GOLT1B: variants seen among roughly 807,000 people sequenced by gnomAD.
The protein encoded by GOLT1B is golgi transport 1B.
In GOLT1B, 3 loss-of-function variants were observed where a neutral mutation model predicts 15.4. The observed-to-expected ratio is 0.19, with a 90% CI of 0.09 to 0.50. The LOEUF (loss-of-function observed/expected upper bound fraction) is 0.50. Ranked by LOEUF, GOLT1B falls within the 20% of genes least tolerant of loss-of-function variation. The probability of loss-of-function intolerance (pLI) is 0.97; values close to 1 mark genes in which losing one functional copy is unlikely to be tolerated. For synonymous variants in GOLT1B, 65 were observed against 56.2 expected (o/e 1.16, Z -0.70); for missense variants, 145 against 160.4 (o/e 0.90, Z 0.52).
intron 2 of GOLT1B, chr12:21,507,181 A>T: frequency 1.7e-6 from 1 of 577,730 alleles, no homozygotes; most frequent in South Asian, 1.8e-5. Context: ...TTCTAATTCC[A>T]TAACTACTCT....
At chr12:21,507,539 T>C (rs976531958) in intron 2 of GOLT1B, among the ~76,000 whole-genome samples, 27 of 151,770 alleles carry the variant, frequency 1.8e-4, no homozygotes, top group African/African-American at 3.9e-4. Context: ...TATATATATA[T>C]ATACACACAC....
intron 4 of GOLT1B, among the ~76,000 whole-genome samples, chr12:21,512,922 G>C (rs1395426752): frequency 1.3e-5 from 2 of 151,974 alleles, no homozygotes; most frequent in African/African-American, 2.4e-5. Flanking sequence ...ACAAAAATTA[G>C]CTGGGTGTGA....
chr12:21,506,842 CTT>C (rs776823081), intron 1 of GOLT1B, 41 bp from the exon 2 acceptor site: 19 of 837,680 alleles, frequency 2.3e-5, no homozygotes, highest in Non-Finnish European at 5.9e-6. Flanking sequence ...GTTAATGTGA[CTT>C]TAATTTTTCT....
intron 3 of GOLT1B, among the ~76,000 whole-genome samples, chr12:21,510,109 C>T (rs1565582205): frequency 6.6e-6 from 1 of 151,984 alleles, no homozygotes; most frequent in Non-Finnish European, 1.5e-5. Flanking sequence ...AAACTGAAGT[C>T]AGGGGAGCCA....
Position 21,506,916 on chromosome 12 carries a change from GT to G in GOLT1B, c.62del (p.Phe21SerfsTer6). 6.6e-7 allele frequency: 1 copy of G among 1,507,622 alleles called. No individual in the cohort carries two copies. The highest frequency in any genetic ancestry group is 9.2e-7 in the Non-Finnish European group (1 of 1,085,544). The allele number at this position is 1,507,622 out of a possible 1,614,324, so 93.4% of individuals were successfully genotyped here. The part of the protein sequence containing the change: ...IGMGLTGFGV[F>X]FLFFGMILFF... ...GAATGGGATTAACAGGATTTGGAGT[GT>G]TTTTCCTGTTCTTTGGAATGATTCT... On this transcript the variant is annotated frameshift_variant, in exon 2 of 5. Transcript: ENST00000229314. LOFTEE classifies it high-confidence loss of function.
At chr12:21,508,832 G>A (rs1193446175) in intron 3 of GOLT1B, among the ~76,000 whole-genome samples, 1 of 151,992 alleles carries the variant, frequency 6.6e-6, no homozygotes, top group Non-Finnish European at 1.5e-5. Flanking sequence ...TTGGATATTT[G>A]TATCAACTAA....
At chr12:21,508,321 G>T in intron 2 of GOLT1B, 62 bp from the exon 3 acceptor site, 1 of 998,506 alleles carries the variant, frequency 1.0e-6, no homozygotes, top group Non-Finnish European at 1.5e-6. Flanking sequence ...TTGACTTTAC[G>T]TTTAAAATTT....
intron 3 of GOLT1B, among the ~76,000 whole-genome samples, chr12:21,510,470 G>A (rs763694068): frequency 2.7e-4 from 41 of 152,154 alleles, no homozygotes; most frequent in Admixed American, 9.2e-4. Flanking sequence ...GACAAGCTTG[G>A]AGTAATACAC....
At position 21,516,013 on chromosome 12, in the gene GOLT1B, C is replaced by G; in HGVS notation, c.*306C>G. 3.9e-6 allele frequency: 1 copy of G among 254,686 alleles called. No homozygotes were observed. Among genetic ancestry groups the G allele is most frequent in the Non-Finnish European group, 7.3e-6 (1 of 136,312 alleles). 15.8% of individuals were successfully genotyped at this position (254,686 alleles called of 1,614,324 possible). A position where few individuals can be genotyped will look rare whatever the true frequency, so the allele number is the denominator to read the frequency against. ...TCCACAATGTGCGAAACTCAGCCAT[C>G]CTTAGAGAACTGTGGTGCCTGTTTC... On this transcript the variant is annotated 3_prime_UTR_variant, in exon 5 of 5. Coordinates refer to ENST00000229314, the MANE Select transcript of GOLT1B (RefSeq NM_016072.5).
chr12:21,506,821 T>A, intron 1 of GOLT1B, 64 bp from the exon 2 acceptor site: 1 of 703,002 alleles, frequency 1.4e-6, no homozygotes, highest in Non-Finnish European at 2.5e-6. Flanking sequence ...ATTTTCTTAG[T>A]TTACAGGGAT....
At chr12:21,502,978 T>G (rs911336618) in intron 1 of GOLT1B, among the ~76,000 whole-genome samples, 1 of 152,208 alleles carries the variant, frequency 6.6e-6, no homozygotes, top group African/African-American at 2.4e-5. Context: ...ATTCAAGTCA[T>G]GGCAGACCAA....
Position 21,515,783 on chromosome 12 carries a change from TTAAA to T in GOLT1B, c.*78_*81del. The stretch of plus-strand genomic sequence containing the variant: ...CATTTGAAGAATATTCAGCACAAAA[TTAAA>T]TTACATGAAATAGCTTGTAATGTTC... On this transcript the variant is annotated 3_prime_UTR_variant, in exon 5 of 5. Coordinates refer to ENST00000229314, the MANE Select transcript of GOLT1B (RefSeq NM_016072.5). 1.4e-6 allele frequency: 1 copy of T among 732,074 alleles called. No homozygotes were observed. Among genetic ancestry groups the T allele is most frequent in the Middle Eastern group, 3.4e-4 (1 of 2,922 alleles). The allele number at this position is 732,074 out of a possible 1,614,324, so 45.3% of individuals were successfully genotyped here.
intron 1 of GOLT1B, among the ~76,000 whole-genome samples, chr12:21,503,172 A>G (rs1943650806): frequency 6.6e-6 from 1 of 152,206 alleles, no homozygotes; most frequent in South Asian, 2.1e-4. Context: ...AGGGGATAGG[A>G]ATCTAGTGTA....
At chr12:21,515,361 C>T in intron 4 of GOLT1B, 1 of 658,752 alleles carries the variant, frequency 1.5e-6, no homozygotes, top group Non-Finnish European at 2.6e-6. Context: ...TTTTGTTAAG[C>T]TAGCAGTGTT....
rs375889962 is a variant in GOLT1B at position 21,504,422 on chromosome 12, A to G, written c.26-2463A>G. On this transcript the variant is annotated intron_variant, in intron 1 of 4. Coordinates refer to ENST00000229314, the MANE Select transcript of GOLT1B (RefSeq NM_016072.5). Reference sequence around the variant, plus strand: ...AGTGTGGATCAGGAGCTACTTGGCAATGTCATTGCCAGTACCAGTTGTGGC... The same window carrying G: ...AGTGTGGATCAGGAGCTACTTGGCAGTGTCATTGCCAGTACCAGTTGTGGC... 17 of 414,848 alleles carry G rather than the reference A, an allele frequency of 4.1e-5. No individual in the cohort carries two copies. The East Asian group carries it at 4.3e-4, about 11-fold the overall frequency. The allele number at this position is 414,848 out of a possible 1,614,324, so 25.7% of individuals were successfully genotyped here. A position where few individuals can be genotyped will look rare whatever the true frequency, so the allele number is the denominator to read the frequency against.
At chr12:21,509,883 C>T (rs1943707701) in intron 3 of GOLT1B, among the ~76,000 whole-genome samples, 4 of 152,148 alleles carry the variant, frequency 2.6e-5, no homozygotes. Context: ...GGTAATGAAA[C>T]TGAAAATGAA....
chr12:21,515,904 G>T lies in GOLT1B; in HGVS notation c.*197G>T. 1 of 451,358 alleles carries T rather than the reference G, an allele frequency of 2.2e-6. No individual in the cohort carries two copies. Among genetic ancestry groups the T allele is most frequent in the Admixed American group, 4.4e-5 (1 of 22,606 alleles). 28.0% of individuals were successfully genotyped at this position (451,358 alleles called of 1,614,324 possible). A position where few individuals can be genotyped will look rare whatever the true frequency, so the allele number is the denominator to read the frequency against. Reference sequence around the variant, plus strand: ...ACAGGCTTCTACTCAAGTGAACTAAGAAGAAGTCAGCAAGCAAACTGAGAG... The same window carrying T: ...ACAGGCTTCTACTCAAGTGAACTAATAAGAAGTCAGCAAGCAAACTGAGAG... On this transcript the variant is annotated 3_prime_UTR_variant, in exon 5 of 5. Coordinates refer to ENST00000229314, the MANE Select transcript of GOLT1B (RefSeq NM_016072.5).
At chr12:21,502,576 A>G (rs1943641519) in intron 1 of GOLT1B, among the ~76,000 whole-genome samples, 1 of 152,048 alleles carries the variant, frequency 6.6e-6, no homozygotes. Context: ...CCATTAAAGG[A>G]TATATTTCGT....
Position 21,501,940 on chromosome 12 carries a change from A to G in GOLT1B, c.17A>G (p.Asp6Gly). The G allele has an allele frequency of 6.2e-7, 1 of 1,609,718 alleles. No homozygotes were observed. The highest frequency in any genetic ancestry group is 8.5e-7 in the Non-Finnish European group (1 of 1,176,188). ...ACTGCAGCCATGATCTCCTTAACGG[A>G]CACGCAGAGTAAGCACCTGCTCCGG... MISLT[D>G]TQKIGMGLTG... The change falls in exon 1 of 5, where the codon GAC becomes GGC. Residue 6 changes from aspartate to glycine, a missense_variant. By Grantham distance (94) the Asp-to-Gly change is moderately conservative. Transcript: ENST00000229314.
Sources: allele counts gnomAD v4.1 joint callset (sites outside exome capture counted in the v4.1 genomes callset), GRCh38; gene constraint gnomAD v4.1.1; transcripts MANE v1.5; gene names NCBI Gene and HGNC (gene_info 2026-07-23, HGNC 2026-07-21).